The following CIB1 variants were observed in gnomAD, a reference collection of about 807,000 sequenced individuals.
CIB1 encodes calcium and integrin binding 1, also known as calcium and integrin-binding protein 1.
A neutral mutation model predicts 25.0 loss-of-function variants in CIB1; 19 were observed. The ratio of observed to expected loss-of-function variants is 0.76; its 90% CI spans 0.53 to 1.12. The LOEUF is 1.12. CIB1 is among the 50% of genes most tolerant of loss of function. CIB1 has a pLI of 0.00. For missense variants in CIB1, 236 were observed against 242.6 expected, an observed-to-expected ratio of 0.97 and a Z score of 0.18; for synonymous variants, 104 against 98.5, an observed-to-expected ratio of 1.06 and a Z score of -0.33.
the CIB1 span, chr15:90,262,303 T>C: frequency 1.1e-5 from 14 of 1,239,006 alleles, no homozygotes; most frequent in Non-Finnish European, 1.4e-5. Context: ...GGAATGGAGC[T>C]ATAAATCCTA....
chr15:90,233,031 G>C (rs1962539722), intron 2 of CIB1, among the ~76,000 whole-genome samples: 1 of 151,936 alleles, frequency 6.6e-6, no homozygotes, highest in Non-Finnish European at 1.5e-5. Flanking sequence ...CAACCACACT[G>C]AACTGTCCTC....
the CIB1 span, chr15:90,256,282 G>A: frequency 9.9e-6 from 16 of 1,614,190 alleles, no homozygotes; most frequent in East Asian, 8.9e-5. Context: ...TGATCTGCCA[G>A]CAATACATCT....
chr15:90,260,988 T>C, the CIB1 span, among the ~76,000 whole-genome samples: 1 of 152,072 alleles, frequency 6.6e-6, no homozygotes, highest in African/African-American at 2.4e-5. Context: ...ATAATCAACA[T>C]GCTAATTGCA....
the CIB1 span, among the ~76,000 whole-genome samples, chr15:90,255,031 A>C: frequency 6.6e-6 from 1 of 152,218 alleles, no homozygotes; most frequent in Admixed American, 6.5e-5. Flanking sequence ...AAGTTCATAC[A>C]GTGAGTGCGG....
the CIB1 span, chr15:90,253,345 T>C: frequency 6.2e-7 from 1 of 1,612,628 alleles, no homozygotes; most frequent in Non-Finnish European, 8.5e-7. Context: ...CTGGAACGAG[T>C]CATGGACATG....
the CIB1 span, chr15:90,262,671 T>G: frequency 1.4e-6 from 2 of 1,477,054 alleles, no homozygotes; most frequent in Non-Finnish European, 1.8e-6. Context: ...GAGAAAGAGG[T>G]GCCAGGGGTT....
At chr15:90,246,872 G>T in the CIB1 span, among the ~76,000 whole-genome samples, 1 of 148,258 alleles carries the variant, frequency 6.7e-6, no homozygotes, top group African/African-American at 2.5e-5. Context: ...GGTGGTCGAG[G>T]TCCTAGAATA....
the CIB1 span, among the ~76,000 whole-genome samples, chr15:90,247,298 C>T: frequency 8.6e-4 from 116 of 134,292 alleles, 2 homozygotes; most frequent in Middle Eastern, 3.9e-3. Context: ...TTTCTTTTTT[C>T]TTTTTTTTTT....
At chr15:90,256,777 C>T in the CIB1 span, among the ~76,000 whole-genome samples, 5 of 152,066 alleles carry the variant, frequency 3.3e-5, no homozygotes, top group Admixed American at 2.0e-4. Flanking sequence ...CAACCTCCGC[C>T]TCCCGGGTTC....
At chr15:90,236,355 T>G (rs982600124), upstream of CIB1, among the ~76,000 whole-genome samples, 2 of 152,194 alleles carry the variant, frequency 1.3e-5, no homozygotes, top group African/African-American at 4.8e-5. Context: ...CTCTTTATAG[T>G]GAAGACATGA....
the CIB1 span, among the ~76,000 whole-genome samples, chr15:90,253,667 A>ACCC: frequency 7.2e-5 from 11 of 152,202 alleles, no homozygotes; most frequent in Admixed American, 7.2e-4. Flanking sequence ...TCTTAGGGAG[A>ACCC]ATACTGGGAG....
chr15:90,257,024 T>C, the CIB1 span: 1 of 1,057,228 alleles, frequency 9.5e-7, no homozygotes, highest in African/African-American at 1.6e-5. Flanking sequence ...ACAGTAACTA[T>C]TTTACATGGT....
At chr15:90,251,038 C>A in the CIB1 span, 1 of 1,051,206 alleles carries the variant, frequency 9.5e-7, no homozygotes, top group Non-Finnish European at 1.3e-6. Flanking sequence ...CCCTTTGATA[C>A]AACAGAAACA....
the CIB1 span, chr15:90,264,805 T>C: frequency 1.2e-5 from 19 of 1,535,984 alleles, no homozygotes; most frequent in South Asian, 1.8e-4. Flanking sequence ...AGCAGGGCTA[T>C]TTTCTGCAAC....
At chr15:90,251,542 C>A in the CIB1 span, 2 of 1,613,550 alleles carry the variant, frequency 1.2e-6, no homozygotes, top group Middle Eastern at 3.3e-4. Flanking sequence ...TTATGCTATT[C>A]CTCCATTCCA....
Position 90,230,268 on chromosome 15 carries a change from A to G in CIB1, c.*216T>C. The stretch of plus-strand genomic sequence containing the variant: ...CATAGGGTCAAACTTCTAAACCTTT[A>G]TTACTGATTAGTACAAACACAAACG... On this transcript the variant is annotated 3_prime_UTR_variant, in exon 7 of 7. Coordinates refer to ENST00000328649, the MANE Select transcript of CIB1 (RefSeq NM_006384.4). 1.6e-6 allele frequency: 1 copy of G among 607,694 alleles called. No individual in the cohort carries two copies. Among genetic ancestry groups the G allele is most frequent in the East Asian group, 2.8e-5 (1 of 35,958 alleles). 37.6% of individuals were successfully genotyped at this position (607,694 alleles called of 1,614,324 possible).
chr15:90,230,844 T>G, intron 6 of CIB1, 90 bp downstream of exon 6: 1 of 1,170,626 alleles, frequency 8.5e-7, no homozygotes, highest in South Asian at 1.2e-5. Flanking sequence ...TCTCTCACCC[T>G]GGCACCACCT....
chr15:90,240,430 C>T, the CIB1 span, among the ~76,000 whole-genome samples: 5 of 152,030 alleles, frequency 3.3e-5, no homozygotes, highest in Non-Finnish European at 7.4e-5. Flanking sequence ...ATCACTTGAA[C>T]CCAGGAGGTG....
chr15:90,255,969 T>C, the CIB1 span: 1 of 1,598,214 alleles, frequency 6.3e-7, no homozygotes, highest in Non-Finnish European at 8.6e-7. Context: ...GACCTAGGAA[T>C]GTCTCAGAGG....
Sources: allele counts gnomAD v4.1 joint callset (sites outside exome capture counted in the v4.1 genomes callset), GRCh38; gene constraint gnomAD v4.1.1; transcripts MANE v1.5; gene names NCBI Gene and HGNC (gene_info 2026-07-23, HGNC 2026-07-21).